NKAIN2: variants seen among roughly 807,000 people sequenced by gnomAD.
NKAIN2 encodes the protein sodium/potassium-transporting ATPase subunit beta-1-interacting protein 2.
Under a neutral mutation model 32.6 loss-of-function variants are expected in NKAIN2, and 14 were observed. That is an observed-to-expected ratio of 0.43 (90% CI 0.28 to 0.67). The LOEUF is 0.67. Among genes scored for constraint, NKAIN2 ranks in the 30% least tolerant of loss-of-function variants. The pLI, the probability that NKAIN2 is intolerant of heterozygous loss-of-function variation, is 0.17. For synonymous variants in NKAIN2, 80 were observed against 87.2 expected, an observed-to-expected ratio of 0.92 and a Z score of 0.46; for missense variants, 198 against 258.3, an observed-to-expected ratio of 0.77 and a Z score of 1.60.
chr6:123,928,771 A>T (rs1183036672), intron 1 of NKAIN2, among the ~76,000 whole-genome samples: 1 of 152,176 alleles, frequency 6.6e-6, no homozygotes, highest in East Asian at 1.9e-4. Flanking sequence ...TCAGACATAA[A>T]TGCATCAGCA....
chr6:124,439,314 C>T (rs1212096972), intron 3 of NKAIN2, among the ~76,000 whole-genome samples: 2 of 151,860 alleles, frequency 1.3e-5, no homozygotes, highest in Non-Finnish European at 2.9e-5. Context: ...CTACAGATTT[C>T]ACCTGCTAAA....
At chr6:124,316,361 A>G (rs1796951280) in intron 2 of NKAIN2, among the ~76,000 whole-genome samples, 1 of 152,146 alleles carries the variant, frequency 6.6e-6, no homozygotes, top group African/African-American at 2.4e-5. Flanking sequence ...GTATGTCTGC[A>G]TGACACAGAA....
intron 4 of NKAIN2, among the ~76,000 whole-genome samples, chr6:124,785,610 G>A (rs77497613): frequency 1.3e-5 from 2 of 152,152 alleles, no homozygotes; most frequent in East Asian, 1.9e-4. Context: ...GAAGTCCAGG[G>A]TTCCCACTTA....
intron 1 of NKAIN2, among the ~76,000 whole-genome samples, chr6:123,991,122 A>G (rs913983997): frequency 2.6e-5 from 4 of 152,176 alleles, no homozygotes; most frequent in African/African-American, 9.7e-5. Flanking sequence ...AGGAACGCAG[A>G]GTTTCTTTTC....
intron 1 of NKAIN2, among the ~76,000 whole-genome samples, chr6:124,022,243 C>T (rs901144423): frequency 1.3e-5 from 2 of 152,220 alleles, no homozygotes; most frequent in East Asian, 3.9e-4. Context: ...TTTATGGCTG[C>T]ATAGTATTCC....
chr6:124,179,359 T>G (rs559584588), intron 1 of NKAIN2, among the ~76,000 whole-genome samples: 2 of 152,328 alleles, frequency 1.3e-5, no homozygotes, highest in Non-Finnish European at 2.9e-5. Context: ...GTGAAGGATT[T>G]GCAATCAGAA....
At chr6:123,966,392 A>T (rs1330134288) in intron 1 of NKAIN2, among the ~76,000 whole-genome samples, 1 of 152,146 alleles carries the variant, frequency 6.6e-6, no homozygotes, top group Non-Finnish European at 1.5e-5. Flanking sequence ...TAGGCAGCAC[A>T]TAAGAGCCAA....
At chr6:123,860,865 T>C (rs1157414687) in intron 1 of NKAIN2, among the ~76,000 whole-genome samples, 1 of 152,224 alleles carries the variant, frequency 6.6e-6, no homozygotes, top group Non-Finnish European at 1.5e-5. Flanking sequence ...TCCCACTCAG[T>C]GTTTGCCCCT....
At chr6:124,793,905 C>T (rs368656287) in intron 5 of NKAIN2, among the ~76,000 whole-genome samples, 33 of 152,172 alleles carry the variant, frequency 2.2e-4, no homozygotes, top group African/African-American at 7.2e-4. Context: ...CACAGTTCCC[C>T]GGGGAGAATA....
intron 1 of NKAIN2, among the ~76,000 whole-genome samples, chr6:124,184,138 G>A (rs1023460749): frequency 4.6e-5 from 7 of 151,994 alleles, no homozygotes; most frequent in East Asian, 1.9e-4. Flanking sequence ...AATTTTAAAA[G>A]GAATCTAACT....
At chr6:124,718,161 C>G (rs1775845484) in intron 4 of NKAIN2, among the ~76,000 whole-genome samples, 1 of 151,952 alleles carries the variant, frequency 6.6e-6, no homozygotes, top group Admixed American at 6.6e-5. Flanking sequence ...ATTGTGCAAC[C>G]ATCACAACAA....
At chr6:124,441,390 T>C (rs1775681415) in intron 3 of NKAIN2, among the ~76,000 whole-genome samples, 1 of 152,078 alleles carries the variant, frequency 6.6e-6, no homozygotes, top group South Asian at 2.1e-4. Flanking sequence ...ATATACTTTC[T>C]CTTGAATATG....
At chr6:124,201,079 T>G (rs550501630) in intron 1 of NKAIN2, among the ~76,000 whole-genome samples, 51 of 152,200 alleles carry the variant, frequency 3.4e-4, no homozygotes, top group African/African-American at 1.2e-3. Flanking sequence ...TATACTTCCA[T>G]ATCTAATGTA....
chr6:124,619,404 G>A (rs1196385693), intron 3 of NKAIN2, among the ~76,000 whole-genome samples: 1 of 152,054 alleles, frequency 6.6e-6, no homozygotes, highest in Non-Finnish European at 1.5e-5. Context: ...AAATATATTT[G>A]TTGAAAAACT....
intron 1 of NKAIN2, among the ~76,000 whole-genome samples, chr6:124,245,974 G>A (rs1380887496): frequency 1.3e-5 from 2 of 152,182 alleles, no homozygotes; most frequent in East Asian, 3.9e-4. Flanking sequence ...AGAGTACCTG[G>A]TATATGCTCA....
chr6:123,961,003 T>C (rs1267017480), intron 1 of NKAIN2, among the ~76,000 whole-genome samples: 1 of 152,094 alleles, frequency 6.6e-6, no homozygotes, highest in Non-Finnish European at 1.5e-5. Flanking sequence ...TCCCTTCTTT[T>C]CCAAAAGAAT....
At chr6:124,457,415 T>C (rs1462552480) in intron 3 of NKAIN2, among the ~76,000 whole-genome samples, 3 of 151,976 alleles carry the variant, frequency 2.0e-5, no homozygotes, top group Non-Finnish European at 4.4e-5. Context: ...CTGTAAGCCT[T>C]CCCGAAGTCA....
At chr6:124,778,189 G>A (rs1779067896) in intron 4 of NKAIN2, among the ~76,000 whole-genome samples, 1 of 152,048 alleles carries the variant, frequency 6.6e-6, no homozygotes. Flanking sequence ...ACAAGCTCAT[G>A]CCTTTGTATC....
At chr6:124,355,524 C>CA (rs1188368892) in intron 3 of NKAIN2, among the ~76,000 whole-genome samples, 177 bp downstream of exon 3, 1 of 144,010 alleles carries the variant, frequency 6.9e-6, no homozygotes, top group African/African-American at 2.6e-5. Flanking sequence ...TGGTGAGTCA[C>CA]AAAAATGTAC....
Sources: allele counts gnomAD v4.1 joint callset (sites outside exome capture counted in the v4.1 genomes callset), GRCh38; gene constraint gnomAD v4.1.1; transcripts MANE v1.5; gene names NCBI Gene and HGNC (gene_info 2026-07-23, HGNC 2026-07-21).